The following FHAD1 variants were observed in gnomAD, a reference collection of about 807,000 sequenced individuals.
FHAD1 encodes forkhead associated phosphopeptide binding domain 1, also known as forkhead-associated domain-containing protein 1.
A neutral mutation model predicts 191.3 loss-of-function variants in FHAD1; 146 were observed. The ratio of observed to expected loss-of-function variants is 0.76; its 90% CI spans 0.67 to 0.88. The LOEUF is 0.88. Among genes scored for constraint, FHAD1 ranks in the 40% least tolerant of loss-of-function variants. The pLI is 0.00. For synonymous variants in FHAD1, 616 were observed against 672.3 expected, an observed-to-expected ratio of 0.92 and a Z score of 1.29; for missense variants, 1,635 against 1,785.8, an observed-to-expected ratio of 0.92 and a Z score of 1.52.
intron 22 of FHAD1, among the ~76,000 whole-genome samples, chr1:15,361,929 G>A (rs756163461): frequency 5.9e-5 from 9 of 151,912 alleles, no homozygotes; most frequent in African/African-American, 9.7e-5. Context: ...GCTTGAACCC[G>A]GGAGGCGGAG....
intron 28 of FHAD1, among the ~76,000 whole-genome samples, chr1:15,376,890 C>A (rs564723470): frequency 6.6e-6 from 1 of 152,148 alleles, no homozygotes; most frequent in Non-Finnish European, 1.5e-5. Flanking sequence ...TTAAAAATAA[C>A]GCTAGTCAGG....
At position 15,318,841 on chromosome 1, in the gene FHAD1, T is replaced by C. The variant is rs1264008349; in HGVS notation, c.1365+913T>C. 1.3e-5 allele frequency among the ~76,000 whole-genome samples: 2 copies of C among 152,190 alleles called. No homozygotes were observed. ...CAACATAACCAATTGAAGAGTTGTATAAAAGATGCTTATGGATCACACATT... is the reference window on the plus strand; with the variant it reads ...CAACATAACCAATTGAAGAGTTGTACAAAAGATGCTTATGGATCACACATT... On this transcript the variant is annotated intron_variant, in intron 10 of 33. Coordinates refer to ENST00000688493, the MANE Select transcript of FHAD1 (RefSeq NM_001391957.1). This position sits in a 1 kb window ranked among gnomAD's most constrained non-coding sequence, Gnocchi z 4.1.
At chr1:15,374,667 C>T in intron 27 of FHAD1, 36 bp downstream of exon 27, 1 of 1,548,632 alleles carries the variant, frequency 6.5e-7, no homozygotes, top group Admixed American at 2.0e-5. Context: ...GCAGTGGACC[C>T]CAGACTCCGG....
At chr1:15,396,458 A>G (rs2103209433) in intron 33 of FHAD1, among the ~76,000 whole-genome samples, 1 of 152,278 alleles carries the variant, frequency 6.6e-6, no homozygotes, top group East Asian at 1.9e-4. Context: ...TTGTGCTCAT[A>G]TCTGTGTGTG....
At position 15,273,807 on chromosome 1, in the gene FHAD1, G is replaced by A. The variant is rs1265916135; in HGVS notation, c.300+1278G>A. On this transcript the variant is annotated intron_variant, in intron 3 of 33. Coordinates refer to ENST00000688493, the MANE Select transcript of FHAD1 (RefSeq NM_001391957.1). ...GTGTTGAGTGCATTCACATTGTGGC[G>A]CTGCTGTCACACCGTCGATCCACAG... Among the ~76,000 whole-genome samples, 5 of 152,076 alleles carry A rather than the reference G, an allele frequency of 3.3e-5. No individual in the cohort carries two copies. In the South Asian group the frequency reaches 6.2e-4, roughly 19 times the overall value.
At position 15,346,114 on chromosome 1, in the gene FHAD1, C is replaced by T. The variant is rs958113381; in HGVS notation, c.2346+591C>T. On this transcript the variant is annotated intron_variant, in intron 18 of 33. Transcript: ENST00000688493. Reference sequence around the variant, plus strand: ...TCAGATGTGTGAAAACAGGGGCGCCCGCACCCTGTGTCTGCTCCTCCCCGG... The same window carrying T: ...TCAGATGTGTGAAAACAGGGGCGCCTGCACCCTGTGTCTGCTCCTCCCCGG... Among the ~76,000 whole-genome samples, 19 of 152,216 alleles carry T rather than the reference C, an allele frequency of 1.2e-4. No homozygotes were observed. In the East Asian group the frequency reaches 1.7e-3, roughly 14 times the overall value.
In FHAD1 at chr1:15,345,427, A is replaced by G; in HGVS notation, c.2250A>G (p.Lys750=). The G allele has an allele frequency of 6.4e-7, 1 of 1,552,348 alleles. No homozygotes were observed. The highest frequency in any genetic ancestry group is 1.2e-5 in the South Asian group (1 of 84,062). ...GATCGTTGACTCAGGCTTTGGCGAAAAGCATTACCCAGGAGAAGAACAGAG... is the reference window on the plus strand; with the variant it reads ...GATCGTTGACTCAGGCTTTGGCGAAGAGCATTACCCAGGAGAAGAACAGAG... ...LLAQQKKALA[K]SITQEKNRVK... is the part of the protein sequence containing the mutation. The change falls in exon 18 of 34, where the codon AAA becomes AAG. Residue 750 remains lysine (K), a synonymous_variant. Transcript: ENST00000688493.
chr1:15,264,493 G>A (rs982878891), intron 2 of FHAD1, among the ~76,000 whole-genome samples: 3 of 151,590 alleles, frequency 2.0e-5, no homozygotes, highest in Admixed American at 6.6e-5. Context: ...TGTATCCTGA[G>A]TACAAAATAA....
At chr1:15,383,341 A>C (rs1167921216) in intron 31 of FHAD1, 1 of 432,140 alleles carries the variant, frequency 2.3e-6, no homozygotes, top group Admixed American at 2.4e-5. Context: ...GCCGGCGGAC[A>C]CTGCCTTCCC....
chr1:15,362,785 G>A (rs1695226205), intron 23 of FHAD1, 59 bp downstream of exon 23: 2 of 1,355,412 alleles, frequency 1.5e-6, no homozygotes, highest in South Asian at 1.2e-5. Context: ...CTGGGTGGGG[G>A]CAAACAGGCA....
At chr1:15,319,448 T>C (rs778069408) in intron 10 of FHAD1, among the ~76,000 whole-genome samples, 1 of 152,086 alleles carries the variant, frequency 6.6e-6, no homozygotes, top group Non-Finnish European at 1.5e-5. Flanking sequence ...TATTTATCAA[T>C]TAAAACTTAA....
chr1:15,313,321 TGGGGGCGGGGTGGTGG>T, intron 8 of FHAD1, 134 bp downstream of exon 8: 2 of 11,316 alleles, frequency 1.8e-4, no homozygotes, highest in Non-Finnish European at 3.3e-4. Flanking sequence ...ACCATTGTGC[TGGGGGCGGGGTGGTGG>T]GGGGGTGGGC....
chr1:15,239,819 C>T (rs1645154111), intron 1 of FHAD1, among the ~76,000 whole-genome samples: 1 of 152,192 alleles, frequency 6.6e-6, no homozygotes, highest in Non-Finnish European at 1.5e-5. Context: ...CTCAAGTATT[C>T]ATGCACTGCT....
At chr1:15,271,675 T>C (rs1409259194) in intron 2 of FHAD1, among the ~76,000 whole-genome samples, 2 of 151,878 alleles carry the variant, frequency 1.3e-5, no homozygotes, top group Non-Finnish European at 2.9e-5. Flanking sequence ...TATAAAACTA[T>C]GTATGTAGGG....
In FHAD1 at chr1:15,381,929, C is replaced by T. The variant is rs542746327; in HGVS notation, c.4023-99C>T. ...TGTGATGACACTCCTGAGTGAGCCCCCACTGTGGATGTATTTTGAGAGACT... is the reference window on the plus strand; with the variant it reads ...TGTGATGACACTCCTGAGTGAGCCCTCACTGTGGATGTATTTTGAGAGACT... On this transcript the variant is annotated intron_variant, in intron 30 of 33. Coordinates refer to ENST00000688493, the MANE Select transcript of FHAD1 (RefSeq NM_001391957.1). The surrounding 1 kb of genome is among the most constrained non-coding windows in gnomAD (Gnocchi z 4.6). The T allele has an allele frequency of 1.2e-4, 161 of 1,320,892 alleles. 2 individuals are homozygous for T. In the South Asian group the frequency reaches 2.2e-3, roughly 18 times the overall value. The allele number at this position is 1,320,892 out of a possible 1,614,324, so 81.8% of individuals were successfully genotyped here.
intron 2 of FHAD1, among the ~76,000 whole-genome samples, chr1:15,259,451 G>C (rs1397994703): frequency 6.6e-6 from 1 of 152,156 alleles, no homozygotes; most frequent in East Asian, 1.9e-4. Context: ...ACTTGGGGCT[G>C]TCTGATGCAA....
intron 14 of FHAD1, among the ~76,000 whole-genome samples, chr1:15,332,000 G>C (rs1234220104): frequency 1.3e-5 from 2 of 152,080 alleles, no homozygotes; most frequent in Non-Finnish European, 2.9e-5. Context: ...CAGAGAGCCT[G>C]CATCAATTTT....
downstream of FHAD1, among the ~76,000 whole-genome samples, chr1:15,401,105 TC>T (rs1707114852): frequency 6.6e-6 from 1 of 152,174 alleles, no homozygotes; most frequent in Admixed American, 6.5e-5. Flanking sequence ...ACCCTTTGTA[TC>T]ACTCAAGATC....
Position 15,345,479 on chromosome 1 carries a change from A to C in FHAD1, c.2302A>C (p.Thr768Pro), listed in dbSNP as rs1242871408. Reference protein sequence around the residue: ...RVKEALEEEQTRVQELEERLA... With the variant: ...RVKEALEEEQPRVQELEERLA... The stretch of plus-strand genomic sequence containing the variant: ...GAAGGAAGCATTAGAGGAAGAGCAG[A>C]CAAGAGTCCAAGAGCTGGAGGAACG... Residue 768 changes from threonine to proline, a missense_variant, in exon 18 of 34, where the codon ACA becomes CCA. Thr to Pro is a conservative substitution (Grantham distance 38). Coordinates refer to ENST00000688493, the MANE Select transcript of FHAD1 (RefSeq NM_001391957.1). 2 of 1,552,284 alleles carry C rather than the reference A, an allele frequency of 1.3e-6. No homozygotes were observed. Among genetic ancestry groups the C allele is most frequent in the Admixed American group, 2.0e-5 (1 of 51,006 alleles).
Sources: gnomAD v4.1 joint callset for allele counts (sites outside exome capture counted in the v4.1 genomes callset) on GRCh38, gnomAD v4.1.1 for gene constraint, Gnocchi (gnomAD v3.1) non-coding constraint, MANE v1.5 for transcripts, NCBI Gene and HGNC (gene_info 2026-07-23, HGNC 2026-07-21) for gene names.